The following SFI1 variants were observed in gnomAD, a reference collection of about 807,000 sequenced individuals.
SFI1 encodes protein SFI1 homolog.
Under a neutral mutation model 207.5 loss-of-function variants are expected in SFI1, and 195 were observed. The ratio of observed to expected loss-of-function variants is 0.94; its 90% CI spans 0.84 to 1.06. The LOEUF (loss-of-function observed/expected upper bound fraction) is 1.06, where lower values mean the gene tolerates loss of function less well. SFI1 is among the 50% of genes least tolerant of loss of function. The pLI, the probability that SFI1 is intolerant of heterozygous loss-of-function variation, is 0.00. For missense variants in SFI1, 1,634 were observed against 1,588.0 expected (o/e 1.03, Z -0.49); for synonymous variants, 630 against 598.9 (o/e 1.05, Z -0.76).
chr22:31,538,222 C>T (rs2059172148), intron 4 of SFI1: 1 of 151,252 alleles, frequency 6.6e-6, no homozygotes, highest in South Asian at 2.1e-4. Context: ...CTCAGCCTCC[C>T]AAAGTGCTGG....
chr22:31,611,021 T>C, intron 22 of SFI1, 122 bp from the exon 23 acceptor site: 1 of 1,311,168 alleles, frequency 7.6e-7, no homozygotes, highest in Non-Finnish European at 1.1e-6. Flanking sequence ...AGTTTCACCA[T>C]GTGGGCTGGA....
Position 31,604,849 on chromosome 22 carries a change from G to C in SFI1, c.1978-20G>C, listed in dbSNP as rs1246504429. The C allele has an allele frequency of 1.2e-6, 2 of 1,607,858 alleles. No homozygotes were observed. Among genetic ancestry groups the C allele is most frequent in the African/African-American group, 1.3e-5 (1 of 74,636 alleles). On this transcript the variant is annotated intron_variant, in intron 19 of 32. Coordinates refer to ENST00000400288, the MANE Select transcript of SFI1 (RefSeq NM_001007467.3). ...AAGTGTGGGCCCAAGAGCAGCCTCA[G>C]TCTTCCTTGTCCCCTACAGACTTAC...
At chr22:31,555,402 G>C (rs1293042829) in intron 6 of SFI1, among the ~76,000 whole-genome samples, 1 of 152,122 alleles carries the variant, frequency 6.6e-6, no homozygotes, top group South Asian at 2.1e-4. Flanking sequence ...AGTTATTTCT[G>C]ACATAAGACA....
chr22:31,559,641 A>G lies in SFI1; in HGVS notation c.663-1649A>G, dbSNP rs376127367. 8.3e-6 allele frequency: 6 copies of G among 719,948 alleles called. No individual in the cohort carries two copies. The African/African-American group carries it at 1.0e-4, about 12-fold the overall frequency. The allele number at this position is 719,948 out of a possible 1,614,324, so 44.6% of individuals were successfully genotyped here. A position where few individuals can be genotyped will look rare whatever the true frequency, so the allele number is the denominator to read the frequency against. On this transcript the variant is annotated intron_variant, in intron 7 of 32. Coordinates refer to ENST00000400288, the MANE Select transcript of SFI1 (RefSeq NM_001007467.3). ...AGGAAAGCTGACGTTGACCTCACCA[A>G]GTGGGCAGGAGAACTCACTGAGGAT...
In SFI1 at chr22:31,615,135, A is replaced by C. The variant is rs758360490; in HGVS notation, c.3156A>C (p.Thr1052=). Residue 1052 remains threonine, a synonymous_variant, in exon 29 of 33, where the codon ACA becomes ACC. Coordinates refer to ENST00000400288, the MANE Select transcript of SFI1 (RefSeq NM_001007467.3). The part of the protein sequence containing the change: ...LTRPFLAEAP[T]ALVPHSPLPG... ...GGCCCTTCCTGGCAGAGGCCCCGACAGCACTGGTCCCACACAGCCCCCTGC... is the reference window on the plus strand; with the variant it reads ...GGCCCTTCCTGGCAGAGGCCCCGACCGCACTGGTCCCACACAGCCCCCTGC... 4.4e-6 allele frequency: 7 copies of C among 1,609,120 alleles called. No individual in the cohort carries two copies. The African/African-American group carries it at 6.7e-5, about 15-fold the overall frequency.
At chr22:31,554,560 G>A (rs1049192555) in intron 6 of SFI1, among the ~76,000 whole-genome samples, 9 of 149,680 alleles carry the variant, frequency 6.0e-5, no homozygotes, top group African/African-American at 1.5e-4. Context: ...CGCCCACCTC[G>A]GCCTCCCAAA....
At chr22:31,530,607 A>G (rs1043312733) in intron 3 of SFI1, 1 of 470,650 alleles carries the variant, frequency 2.1e-6, no homozygotes, top group Admixed American at 2.4e-5. Flanking sequence ...CACAGTGCAG[A>G]GGGAATGACA....
intron 6 of SFI1, among the ~76,000 whole-genome samples, chr22:31,553,387 T>C (rs2060801150): frequency 6.6e-6 from 1 of 151,488 alleles, no homozygotes; most frequent in African/African-American, 2.4e-5. Context: ...ACACGGAATC[T>C]CACTCTTGCC....
chr22:31,558,128 G>A (rs1233444229), intron 7 of SFI1, among the ~76,000 whole-genome samples: 1 of 152,100 alleles, frequency 6.6e-6, no homozygotes, highest in Non-Finnish European at 1.5e-5. Context: ...CTGTGAAATA[G>A]TTACACCATA....
chr22:31,559,868 C>T (rs562719807), intron 7 of SFI1: 35 of 670,066 alleles, frequency 5.2e-5, no homozygotes, highest in African/African-American at 1.4e-4. Context: ...CTGGGGCCTT[C>T]GTGTCCGAGG....
Position 31,606,116 on chromosome 22 carries a change from A to G in SFI1, c.2055-212A>G, listed in dbSNP as rs560689368. On this transcript the variant is annotated intron_variant, in intron 20 of 32. Transcript: ENST00000400288. ...GGTCTCCAGCAGTGCTGGGTCCCTC[A>G]TGCACTCTTGGTGCCCAGCCCAGAG... is the stretch of plus-strand genomic sequence containing the variant. 22 of 568,644 alleles carry G rather than the reference A, an allele frequency of 3.9e-5. No individual in the cohort carries two copies. The East Asian group carries it at 6.5e-4, about 17-fold the overall frequency. 35.2% of individuals were successfully genotyped at this position (568,644 alleles called of 1,614,324 possible). A position where few individuals can be genotyped will look rare whatever the true frequency, so the allele number is the denominator to read the frequency against.
chr22:31,591,300 A>G (rs1399634397), intron 15 of SFI1, among the ~76,000 whole-genome samples: 1 of 152,154 alleles, frequency 6.6e-6, no homozygotes, highest in Non-Finnish European at 1.5e-5. Context: ...TCACAGATCA[A>G]CAGGATCCCA....
At chr22:31,544,589 C>CA (rs1290475072) in intron 4 of SFI1, among the ~76,000 whole-genome samples, 8 of 151,836 alleles carry the variant, frequency 5.3e-5, no homozygotes, top group Non-Finnish European at 1.0e-4. Context: ...CGTGCCTCTA[C>CA]AAAAAATAAA....
intron 4 of SFI1, among the ~76,000 whole-genome samples, chr22:31,542,955 C>T (rs1017714587): frequency 7.0e-5 from 10 of 143,706 alleles, no homozygotes; most frequent in Non-Finnish European, 1.5e-4. Flanking sequence ...AGCCACTGTG[C>T]CTGACTTAAT....
intron 2 of SFI1, among the ~76,000 whole-genome samples, chr22:31,518,073 G>T (rs529879825): frequency 2.6e-5 from 4 of 152,238 alleles, no homozygotes; most frequent in Admixed American, 2.6e-4. Flanking sequence ...TGCAATGCCT[G>T]CCTCCCAGGT....
In SFI1 at chr22:31,573,058, G is replaced by A; in HGVS notation, c.766G>A (p.Ala256Thr). The change falls in exon 9 of 33, where the codon GCT becomes ACT. Residue 256 changes from alanine (A) to threonine (T), a missense_variant and splice_region_variant. Coordinates refer to ENST00000400288, the MANE Select transcript of SFI1 (RefSeq NM_001007467.3). ...KHRALSLQVQ[A>T]WSQWREQLLY... The stretch of plus-strand genomic sequence containing the variant: ...CTGTTGCCTCTTCTCTGGTTTTCAG[G>A]CTTGGTCACAGTGGCGGGAACAGCT... 1 of 1,612,740 alleles carries A rather than the reference G, an allele frequency of 6.2e-7. No individual in the cohort carries two copies. Among genetic ancestry groups the A allele is most frequent in the African/African-American group, 1.3e-5 (1 of 74,896 alleles).
rs1221193725 is a variant in SFI1 at position 31,602,217 on chromosome 22, C to A, written c.1550C>A (p.Thr517Lys). 12 of 1,613,598 alleles carry A rather than the reference C, an allele frequency of 7.4e-6. No homozygotes were observed. The highest frequency in any genetic ancestry group is 1.0e-5 in the Non-Finnish European group (12 of 1,179,556). Residue 517 changes from threonine (T) to lysine (K), a missense_variant, in exon 16 of 33, where the codon ACA (threonine) becomes AAA (lysine). Physicochemically the swap from Thr to Lys is moderately conservative, Grantham distance 78. Coordinates refer to ENST00000400288, the MANE Select transcript of SFI1 (RefSeq NM_001007467.3). The stretch of plus-strand genomic sequence containing the variant: ...CATTCTTCCTTGTTTTTTAGGGAGA[C>A]ATTAGAGAAGCAAGTATTTTCTCTC... Reference protein sequence around the residue: ...SARATRFHRETLEKQVFSLWR... With the variant: ...SARATRFHREKLEKQVFSLWR...
chr22:31,521,042 A>C (rs2057181059), intron 2 of SFI1, among the ~76,000 whole-genome samples: 1 of 149,826 alleles, frequency 6.7e-6, no homozygotes, highest in African/African-American at 2.5e-5. Flanking sequence ...GTTCAAGACC[A>C]GCCTGGGCAA....
In SFI1 at chr22:31,617,014, G is replaced by GA. The variant is rs1377193435; in HGVS notation, c.3449dup (p.Ala1151GlyfsTer2). On this transcript the variant is annotated frameshift_variant, in exon 31 of 33. Coordinates refer to ENST00000400288, the MANE Select transcript of SFI1 (RefSeq NM_001007467.3). LOFTEE classifies it high-confidence loss of function. Reference sequence around the variant, plus strand: ...TGTCGCCATAGGCAGCCTGGACCTTGAGGCTGAACTTGAGGAGATCCAGCA... The same window carrying GA: ...TGTCGCCATAGGCAGCCTGGACCTTGAAGGCTGAACTTGAGGAGATCCAGCA... The GA allele has an allele frequency of 6.2e-7, 1 of 1,614,078 alleles. No individual in the cohort carries two copies. The highest frequency in any genetic ancestry group is 8.5e-7 in the Non-Finnish European group (1 of 1,180,026).
Sources: gnomAD v4.1 joint callset for allele counts (sites outside exome capture counted in the v4.1 genomes callset) on GRCh38, gnomAD v4.1.1 for gene constraint, MANE v1.5 for transcripts, NCBI Gene and HGNC (gene_info 2026-07-23, HGNC 2026-07-21) for gene names.